EIF4G2: variants seen among roughly 807,000 people sequenced by gnomAD.
EIF4G2 encodes DAP-5.
EIF4G2 carries 8 observed loss-of-function variants against 117.7 expected under a neutral mutation model. The observed-to-expected ratio is 0.07, with a 90% CI of 0.04 to 0.12. EIF4G2 has a LOEUF of 0.12. Among genes scored for constraint, EIF4G2 ranks in the 10% least tolerant of loss-of-function variants. EIF4G2 has a pLI of 1.00. For synonymous variants in EIF4G2, 413 were observed against 367.8 expected (o/e 1.12, Z -1.41); for missense variants, 812 against 1,086.2 (o/e 0.75, Z 3.55).
rs766295050 is a variant in EIF4G2, at chr11:10,799,130, A to AG, written c.2537-18_2537-17insC. ...GTAACATGCCTTAAAAAAAAAAAAA[A>AG]AAAGAAAAAAGTAATAAGCCCATTA... On this transcript the variant is annotated splice_polypyrimidine_tract_variant and intron_variant, in intron 20 of 21. Coordinates refer to ENST00000339995, the MANE Select transcript of EIF4G2 (RefSeq NM_001418.4). 1.2e-4 allele frequency: 184 copies of AG among 1,576,980 alleles called. No homozygotes were observed. The East Asian group carries it at 2.8e-3, about 24-fold the overall frequency.
At chr11:10,804,241 T>A (rs1242907542) in intron 6 of EIF4G2, 38 bp from the exon 7 acceptor site, 4 of 1,613,034 alleles carry the variant, frequency 2.5e-6, no homozygotes, top group East Asian at 2.2e-5. Context: ...ATTAAGGAAA[T>A]TTTTCAAGTC....
chr11:10,800,259 G>A lies in EIF4G2; in HGVS notation c.1950C>T (p.Ala650=). 1.2e-6 allele frequency: 2 copies of A among 1,614,178 alleles called. No individual in the cohort carries two copies. Among genetic ancestry groups the A allele is most frequent in the Non-Finnish European group, 1.7e-6 (2 of 1,180,024 alleles). The change falls in exon 18 of 22, where the codon GCC becomes GCT. Residue 650 remains alanine, a synonymous_variant. Transcript: ENST00000339995. The stretch of plus-strand genomic sequence containing the variant: ...AAATGCTCACCAGCTCTGAAATGAT[G>A]GCACGAGCTGCAAACTGTGCTAAAT...
chr11:10,808,578 T>C (rs1435415839), intron 1 of EIF4G2, 127 bp downstream of exon 1: 6 of 967,606 alleles, frequency 6.2e-6, no homozygotes, highest in African/African-American at 1.8e-5. Flanking sequence ...GCAGAGGAAA[T>C]GCTAAAAAAG....
chr11:10,808,547 G>A, intron 1 of EIF4G2, 158 bp downstream of exon 1: 2 of 1,137,260 alleles, frequency 1.8e-6, no homozygotes, highest in Non-Finnish European at 1.1e-6. Flanking sequence ...CAAAAGCCAA[G>A]ACTTTCCAGG....
In EIF4G2 at chr11:10,803,801, A is replaced by T; in HGVS notation, c.702+98T>A. The T allele has an allele frequency of 7.0e-7, 1 of 1,426,830 alleles. No individual in the cohort carries two copies. Among genetic ancestry groups the T allele is most frequent in the Non-Finnish European group, 9.5e-7 (1 of 1,049,964 alleles). The allele number at this position is 1,426,830 out of a possible 1,614,324, so 88.4% of individuals were successfully genotyped here. On this transcript the variant is annotated intron_variant, in intron 8 of 21. Coordinates refer to ENST00000339995, the MANE Select transcript of EIF4G2 (RefSeq NM_001418.4). The surrounding 1 kb of genome is among the most constrained non-coding windows in gnomAD (Gnocchi z 4.0). ...TTCTGTTTAGTAAATTTTGTTGCAC[A>T]TCTGTATTTAACTAGTCAACCTCCC... is the stretch of plus-strand genomic sequence containing the variant.
At chr11:10,801,831 A>C (rs1490430483) in intron 13 of EIF4G2, 57 bp from the exon 14 acceptor site, 36 of 1,520,924 alleles carry the variant, frequency 2.4e-5, no homozygotes, top group Non-Finnish European at 2.7e-5. Flanking sequence ...AAATTATGGT[A>C]ATCAAGTACC....
chr11:10,808,514 C>T (rs1370647600), intron 1 of EIF4G2, 191 bp downstream of exon 1: 1 of 1,216,680 alleles, frequency 8.2e-7, no homozygotes, highest in South Asian at 1.4e-5. Flanking sequence ...TCCTTCTACT[C>T]CGTCAGCAAC....
At position 10,801,920 on chromosome 11, in the gene EIF4G2, A is replaced by C. The variant is rs1847430577; in HGVS notation, c.1299+129T>G. The C allele has an allele frequency of 2.8e-6, 3 of 1,066,814 alleles. No individual in the cohort carries two copies. The Admixed American group carries it at 6.9e-5, about 25-fold the overall frequency. The allele number at this position is 1,066,814 out of a possible 1,614,324, so 66.1% of individuals were successfully genotyped here. On this transcript the variant is annotated intron_variant, in intron 13 of 21. Transcript: ENST00000339995. ...TAAAAGATGAAACAGGGAAGAATAA[A>C]AATCTAACCTATCAAATAAAGTGAT... is the stretch of plus-strand genomic sequence containing the variant.
At chr11:10,806,980 T>TG in intron 2 of EIF4G2, 95 bp from the exon 3 acceptor site, 1 of 1,441,236 alleles carries the variant, frequency 6.9e-7, no homozygotes, top group Non-Finnish European at 9.7e-7. Context: ...CTTGTAGAGA[T>TG]GGGGGTCTCG....
In EIF4G2 at chr11:10,800,179, C is replaced by G. The variant is rs1293074312; in HGVS notation, c.2030G>C (p.Cys677Ser). ...TTGTAATTTAGCTAACTGCTGAAGA[C>G]AAAGTAGGAAGAGAGGAAAATGGGT... Residue 677 changes from cysteine (C) to serine (S), a missense_variant, in exon 18 of 22, where the codon TGT becomes TCT. Cys to Ser is a moderately radical substitution (Grantham distance 112, BLOSUM62 -1). Around this residue, in one of 4 missense-constraint regions of EIF4G2, gnomAD observed 571 missense variants for 642.3 expected, o/e 0.89. Transcript: ENST00000339995. The G allele has an allele frequency of 6.2e-7, 1 of 1,614,104 alleles. No individual in the cohort carries two copies. The highest frequency in any genetic ancestry group is 1.3e-5 in the African/African-American group (1 of 75,008).
intron 3 of EIF4G2, 56 bp downstream of exon 3, chr11:10,806,764 G>T: frequency 1.3e-6 from 2 of 1,587,258 alleles, no homozygotes; most frequent in Admixed American, 1.7e-5. Context: ...CGTCACATGG[G>T]AAAGACTTTT....
At position 10,803,815 on chromosome 11, in the gene EIF4G2, A is replaced by C. The variant is rs1159627902; in HGVS notation, c.702+84T>G. The C allele has an allele frequency of 6.7e-7, 1 of 1,488,942 alleles. No homozygotes were observed. The highest frequency in any genetic ancestry group is 2.3e-5 in the East Asian group (1 of 44,036). The allele number at this position is 1,488,942 out of a possible 1,614,324, so 92.2% of individuals were successfully genotyped here. Reference sequence around the variant, plus strand: ...TTTTGTTGCACATCTGTATTTAACTAGTCAACCTCCCTCTTAGATGAATAA... The same window carrying C: ...TTTTGTTGCACATCTGTATTTAACTCGTCAACCTCCCTCTTAGATGAATAA... On this transcript the variant is annotated intron_variant, in intron 8 of 21. Coordinates refer to ENST00000339995, the MANE Select transcript of EIF4G2 (RefSeq NM_001418.4). This position sits in a 1 kb window ranked among gnomAD's most constrained non-coding sequence, Gnocchi z 4.0.
Position 10,800,231 on chromosome 11 carries a change from C to T in EIF4G2, c.1978G>A (p.Glu660Lys). ...CCACTTTCTAGTGGTTGAGCTAGTTCTGAAATGCTCACCAGCTCTGAAATG... is the reference window on the plus strand; with the variant it reads ...CCACTTTCTAGTGGTTGAGCTAGTTTTGAAATGCTCACCAGCTCTGAAATG... Residue 660 changes from glutamate to lysine, a missense_variant, in exon 18 of 22, where the codon GAA (glutamate) becomes AAA (lysine). Physicochemically the swap from Glu to Lys is moderately conservative, Grantham distance 56 (BLOSUM62 1). Around this residue, in one of 4 missense-constraint regions of EIF4G2, gnomAD observed 571 missense variants for 642.3 expected, o/e 0.89. Transcript: ENST00000339995. The T allele has an allele frequency of 6.2e-7, 1 of 1,614,166 alleles. No homozygotes were observed. Among genetic ancestry groups the T allele is most frequent in the Non-Finnish European group, 8.5e-7 (1 of 1,180,024 alleles).
At chr11:10,806,350 AT>A (rs35956622) in intron 3 of EIF4G2, 85 of 389,956 alleles carry the variant, frequency 2.2e-4, no homozygotes, top group African/African-American at 8.2e-4. Flanking sequence ...GAAAATTAAC[AT>A]TTTTTTTAAG....
chr11:10,805,761 A>G lies in EIF4G2; in HGVS notation c.248+146T>C, dbSNP rs560655646. The G allele has an allele frequency of 1.3e-5, 16 of 1,255,736 alleles. No individual in the cohort carries two copies. In the African/African-American group the frequency reaches 1.5e-4, roughly 12 times the overall value. 77.8% of individuals were successfully genotyped at this position (1,255,736 alleles called of 1,614,324 possible). On this transcript the variant is annotated intron_variant, in intron 4 of 21. Transcript: ENST00000339995. ...AGCCACAGTGCCTGGCCAGTTCAAG[A>G]TATTTTTAAAAATTGCTACCATGAG...
At position 10,803,804 on chromosome 11, in the gene EIF4G2, TG is replaced by T; in HGVS notation, c.702+94del. ...TGTTTAGTAAATTTTGTTGCACATC[TG>T]TATTTAACTAGTCAACCTCCCTCTT... On this transcript the variant is annotated intron_variant, in intron 8 of 21. Transcript: ENST00000339995. This position sits in a 1 kb window ranked among gnomAD's most constrained non-coding sequence, Gnocchi z 4.0. 2.1e-6 allele frequency: 3 copies of T among 1,437,490 alleles called. No homozygotes were observed. Among genetic ancestry groups the T allele is most frequent in the Non-Finnish European group, 2.8e-6 (3 of 1,059,206 alleles). 89.0% of individuals were successfully genotyped at this position (1,437,490 alleles called of 1,614,324 possible).
In EIF4G2 at chr11:10,798,519, A is replaced by G. The variant is rs377566651; in HGVS notation, c.2658+473T>C. Among the ~76,000 whole-genome samples, 12 of 152,110 alleles carry G rather than the reference A, an allele frequency of 7.9e-5. No individual in the cohort carries two copies. The East Asian group carries it at 2.3e-3, about 29-fold the overall frequency. Reference sequence around the variant, plus strand: ...GACATCCTCCCGAGTAGCTGGGACCAGGACCACAGAACATGTCACCACGTC... The same window carrying G: ...GACATCCTCCCGAGTAGCTGGGACCGGGACCACAGAACATGTCACCACGTC... On this transcript the variant is annotated intron_variant, in intron 21 of 21. Transcript: ENST00000339995.
Position 10,799,130 on chromosome 11 carries a change from A to G in EIF4G2, c.2537-17T>C, listed in dbSNP as rs546667921. 2.7e-5 allele frequency: 43 copies of G among 1,576,982 alleles called. No individual in the cohort carries two copies. The African/African-American group carries it at 4.6e-4, about 17-fold the overall frequency. On this transcript the variant is annotated splice_polypyrimidine_tract_variant and intron_variant, in intron 20 of 21. Transcript: ENST00000339995. ...GTAACATGCCTTAAAAAAAAAAAAAAAAAGAAAAAAGTAATAAGCCCATTA... is the reference window on the plus strand; with the variant it reads ...GTAACATGCCTTAAAAAAAAAAAAAGAAAGAAAAAAGTAATAAGCCCATTA...
In EIF4G2 at chr11:10,802,406, C is replaced by A. The variant is rs1847447792; in HGVS notation, c.1026G>T (p.Met342Ile). 1.9e-6 allele frequency: 3 copies of A among 1,610,966 alleles called. No homozygotes were observed. Among genetic ancestry groups the A allele is most frequent in the Non-Finnish European group, 2.5e-6 (3 of 1,179,058 alleles). Residue 342 changes from methionine to isoleucine, a missense_variant, in exon 12 of 22, where the codon ATG becomes ATT. Around this residue, in one of 4 missense-constraint regions of EIF4G2, gnomAD observed 571 missense variants for 642.3 expected, o/e 0.89. Transcript: ENST00000339995. The stretch of plus-strand genomic sequence containing the variant: ...AGAAGTCACTTCTCATCCCTTGAGC[C>A]ATAGGAGCAGGAATAAACACCCCTA...
Sources: allele counts gnomAD v4.1 joint callset (sites outside exome capture counted in the v4.1 genomes callset), GRCh38; gene constraint gnomAD v4.1.1; regional missense constraint gnomAD v4.1.1; non-coding constraint Gnocchi (gnomAD v3.1); transcripts MANE v1.5; gene names NCBI Gene and HGNC (gene_info 2026-07-23, HGNC 2026-07-21).